Variants in WIPF3 observed in about 807,000 individuals in gnomAD.
WIPF3 encodes WAS/WASL interacting protein family member 3, also known as WAS/WASL-interacting protein family member 3.
WIPF3 carries 33 observed loss-of-function variants against 38.9 expected under a neutral mutation model. The ratio of observed to expected loss-of-function variants is 0.85; its 90% confidence interval spans 0.64 to 1.14. The LOEUF (loss-of-function observed/expected upper bound fraction) is 1.14. Among genes scored for constraint, WIPF3 ranks in the 50% most tolerant of loss-of-function variants. WIPF3 has a pLI of 0.00. For synonymous variants in WIPF3, 324 were observed against 269.3 expected (o/e 1.20, Z -1.99); for missense variants, 711 against 652.5 (o/e 1.09, Z -0.98).
chr7:29,899,566 A>G (rs1786229582), intron 7 of WIPF3, among the ~76,000 whole-genome samples: 1 of 152,228 alleles, frequency 6.6e-6, no homozygotes, highest in South Asian at 2.1e-4. Context: ...ATAAATTAAA[A>G]TGTTCACTCA....
In WIPF3 at chr7:29,914,659, C is replaced by T. The variant is rs35346638; in HGVS notation, c.*143C>T. The T allele has an allele frequency of 1.2e-4, 60 of 515,666 alleles. No homozygotes were observed. Among genetic ancestry groups the T allele is most frequent in the Middle Eastern group, 8.6e-4 (3 of 3,500 alleles). The allele number at this position is 515,666 out of a possible 1,614,324, so 31.9% of individuals were successfully genotyped here. ...ATTTATTGTAAATATGTGATTTGCA[C>T]GGGCTTTAAAGCAGTATTTTAATTG... On this transcript the variant is annotated 3_prime_UTR_variant, in exon 9 of 9. Coordinates refer to ENST00000242140, the MANE Select transcript of WIPF3 (RefSeq NM_001080529.3).
chr7:29,817,177 T>G (rs1306177197), intron 1 of WIPF3, among the ~76,000 whole-genome samples: 1 of 152,184 alleles, frequency 6.6e-6, no homozygotes, highest in African/African-American at 2.4e-5. Context: ...GGCCTATTTG[T>G]GTATTTTCTA....
At chr7:29,882,931 T>C (rs574271592) in intron 4 of WIPF3, among the ~76,000 whole-genome samples, 8 of 152,310 alleles carry the variant, frequency 5.3e-5, no homozygotes, top group African/African-American at 1.7e-4. Context: ...CTCTAAGCAG[T>C]AATTGCAGAA....
rs370894695 is a variant in WIPF3, at chr7:29,854,920, C to A, written c.90+20106C>A. Among the ~76,000 whole-genome samples, 13 of 152,328 alleles carry A rather than the reference C, an allele frequency of 8.5e-5. No homozygotes were observed. In the East Asian group the frequency reaches 2.1e-3, roughly 25 times the overall value. On this transcript the variant is annotated intron_variant, in intron 2 of 8. Coordinates refer to ENST00000242140, the MANE Select transcript of WIPF3 (RefSeq NM_001080529.3). ...CAAGGGGAGAGGCTCTCAGAAAAAA[C>A]CAGCCAGCCAACACCTTGGTCTTGA...
At chr7:29,825,780 A>T (rs905755747) in intron 1 of WIPF3, among the ~76,000 whole-genome samples, 1 of 152,238 alleles carries the variant, frequency 6.6e-6, no homozygotes, top group African/African-American at 2.4e-5. Context: ...TAGTATGTGT[A>T]CATAGTAGGT....
intron 8 of WIPF3, among the ~76,000 whole-genome samples, chr7:29,908,031 C>T (rs9648366): frequency 0.69 from 104,261 of 152,056 alleles, 36,855 homozygotes; most frequent in South Asian, 0.89. Flanking sequence ...CAAATGCAAA[C>T]GGATTAAACT....
chr7:29,840,656 A>G (rs2128066607), intron 2 of WIPF3, among the ~76,000 whole-genome samples: 1 of 152,356 alleles, frequency 6.6e-6, no homozygotes, highest in East Asian at 1.9e-4. Context: ...AGAAAAAAGT[A>G]TATTTGAAGG....
chr7:29,868,904 T>A (rs879456588), intron 2 of WIPF3, among the ~76,000 whole-genome samples: 1 of 152,198 alleles, frequency 6.6e-6, no homozygotes. Flanking sequence ...ACCACCGTCG[T>A]ATGTGTGGTG....
intron 1 of WIPF3, among the ~76,000 whole-genome samples, chr7:29,813,811 G>A (rs1423393032): frequency 6.6e-6 from 1 of 152,112 alleles, no homozygotes; most frequent in Non-Finnish European, 1.5e-5. Context: ...CCCGTTAATA[G>A]TCGCTTCTCA....
intron 1 of WIPF3, among the ~76,000 whole-genome samples, chr7:29,831,859 T>C (rs1196724737): frequency 2.0e-5 from 3 of 152,170 alleles, no homozygotes; most frequent in Non-Finnish European, 4.4e-5. Flanking sequence ...CTTCATTGCA[T>C]TGACCAGAAC....
At chr7:29,868,704 A>G (rs1045132730) in intron 2 of WIPF3, among the ~76,000 whole-genome samples, 4 of 152,054 alleles carry the variant, frequency 2.6e-5, no homozygotes, top group African/African-American at 9.7e-5. Context: ...ACAAACCTGG[A>G]TGGTAGAGCC....
In WIPF3 at chr7:29,842,512, G is replaced by T. The variant is rs148798168; in HGVS notation, c.90+7698G>T. Reference sequence around the variant, plus strand: ...TGTTTGCCAGAGTCTTTGCTTTCAGGAAATTCAGTGGCATGATTTTTCTCC... The same window carrying T: ...TGTTTGCCAGAGTCTTTGCTTTCAGTAAATTCAGTGGCATGATTTTTCTCC... On this transcript the variant is annotated intron_variant, in intron 2 of 8. Coordinates refer to ENST00000242140, the MANE Select transcript of WIPF3 (RefSeq NM_001080529.3). Among the ~76,000 whole-genome samples, 85 of 152,302 alleles carry T rather than the reference G, an allele frequency of 5.6e-4. No homozygotes were observed. In the East Asian group the frequency reaches 0.014, roughly 25 times the overall value.
chr7:29,905,638 A>G (rs937796202), intron 8 of WIPF3: 2 of 151,806 alleles, frequency 1.3e-5, no homozygotes, highest in Admixed American at 6.6e-5. Flanking sequence ...CAAAAAAAAA[A>G]CCCTGTCCTC....
At chr7:29,826,640 T>G (rs1784620299) in intron 1 of WIPF3, among the ~76,000 whole-genome samples, 1 of 152,240 alleles carries the variant, frequency 6.6e-6, no homozygotes, top group Non-Finnish European at 1.5e-5. Flanking sequence ...TTCCATTTAT[T>G]CTTAGTATTA....
chr7:29,899,406 A>G (rs758838748), intron 7 of WIPF3, among the ~76,000 whole-genome samples: 3 of 152,290 alleles, frequency 2.0e-5, no homozygotes, highest in Non-Finnish European at 4.4e-5. Flanking sequence ...TATCACCTCC[A>G]GACATTATTT....
intron 2 of WIPF3, among the ~76,000 whole-genome samples, chr7:29,838,127 C>A (rs1215807118): frequency 6.6e-6 from 1 of 152,198 alleles, no homozygotes; most frequent in Non-Finnish European, 1.5e-5. Context: ...ACTGTGTTAG[C>A]CAGGATGGTC....
intron 1 of WIPF3, among the ~76,000 whole-genome samples, chr7:29,807,788 G>A (rs1388224488): frequency 6.6e-6 from 1 of 152,202 alleles, no homozygotes; most frequent in Non-Finnish European, 1.5e-5. Context: ...TGTGCCTGGG[G>A]TCCTTGGCTG....
intron 1 of WIPF3, among the ~76,000 whole-genome samples, chr7:29,812,035 C>T (rs1441784702): frequency 1.3e-5 from 2 of 152,204 alleles, no homozygotes; most frequent in African/African-American, 4.8e-5. Context: ...TGCACATGTG[C>T]TCATTAACAG....
intron 7 of WIPF3, among the ~76,000 whole-genome samples, chr7:29,900,187 T>C (rs1356517228): frequency 6.6e-6 from 1 of 152,172 alleles, no homozygotes; most frequent in African/African-American, 2.4e-5. Flanking sequence ...TCCGCCTGCC[T>C]CAGCCTCCCA....
Sources: allele counts gnomAD v4.1 joint callset (sites outside exome capture counted in the v4.1 genomes callset), GRCh38; gene constraint gnomAD v4.1.1; transcripts MANE v1.5; gene names NCBI Gene and HGNC (gene_info 2026-07-23, HGNC 2026-07-21).